Variants in SVEP1 observed in about 807,000 individuals in gnomAD.
SVEP1 encodes sushi, von Willebrand factor type A, EGF and pentraxin domain containing 1, also known as sushi, von Willebrand factor type A, EGF and pentraxin domain-containing protein 1.
In SVEP1, 164 loss-of-function variants were observed where a neutral mutation model predicts 367.3. The ratio of observed to expected loss-of-function variants is 0.45; its 90% confidence interval spans 0.39 to 0.51. SVEP1 has a LOEUF of 0.51. SVEP1 is among the 20% of genes least tolerant of loss of function. The probability of loss-of-function intolerance (pLI) is 0.00; values close to 1 mark genes in which losing one functional copy is unlikely to be tolerated. For synonymous variants in SVEP1, 1,666 were observed against 1,611.6 expected (o/e 1.03, Z -0.81); for missense variants, 4,117 against 4,425.3 (o/e 0.93, Z 1.98).
At chr9:110,430,109 T>C in intron 33 of SVEP1, 105 bp from the exon 34 acceptor site, 1 of 266,102 alleles carries the variant, frequency 3.8e-6, no homozygotes, top group Non-Finnish European at 4.7e-6. Flanking sequence ...TTTGTTTTCT[T>C]TTTTTTTTTT....
rs181613162 is a variant in SVEP1 at position 110,579,250 on chromosome 9, G to C, written c.294C>G (p.Asn98Lys). The change falls in exon 1 of 48, where the codon AAC becomes AAG. Residue 98 changes from asparagine to lysine, a missense_variant. By Grantham distance (94) the Asn-to-Lys change is moderately conservative. Around this residue, in one of 4 missense-constraint regions of SVEP1, gnomAD observed 161 missense variants for 122.4 expected, o/e 1.32. Coordinates refer to ENST00000374469, the MANE Select transcript of SVEP1 (RefSeq NM_153366.4). The surrounding 1 kb of genome is among the most constrained non-coding windows in gnomAD (Gnocchi z 5.3). ...GGACGAACATGAGCTCGCTGCGGAA[G>C]TTGACTTCGCCCACGCTGGACGAAT... is the stretch of plus-strand genomic sequence containing the variant. ...VDDSSSVGEV[N>K]FRSELMFVRK... The C allele has an allele frequency of 1.3e-5, 21 of 1,570,822 alleles. No individual in the cohort carries two copies. In the South Asian group the frequency reaches 2.1e-4, roughly 16 times the overall value.
chr9:110,387,558 A>G (rs1268559962), intron 41 of SVEP1, 100 bp from the exon 42 acceptor site: 1 of 1,281,782 alleles, frequency 7.8e-7, no homozygotes, highest in Non-Finnish European at 1.0e-6. Flanking sequence ...TATATAAAAT[A>G]TTATGGCCTA....
intron 18 of SVEP1, among the ~76,000 whole-genome samples, chr9:110,463,924 G>A (rs1828898364): frequency 6.6e-6 from 1 of 152,046 alleles, no homozygotes; most frequent in Non-Finnish European, 1.5e-5. Flanking sequence ...ACTTATGCTA[G>A]GAATATTAGG....
intron 27 of SVEP1, among the ~76,000 whole-genome samples, chr9:110,438,706 C>A (rs1828468801): frequency 6.6e-6 from 1 of 152,136 alleles, no homozygotes; most frequent in Non-Finnish European, 1.5e-5. Flanking sequence ...GGTAGTTAAA[C>A]TGATGGTTGC....
At chr9:110,517,494 A>G (rs184973174) in intron 3 of SVEP1, among the ~76,000 whole-genome samples, 3,009 of 151,322 alleles carry the variant, frequency 0.02, 46 homozygotes, top group South Asian at 0.063. Context: ...GCTACTTGGG[A>G]GGCTGAGGCA....
Position 110,447,076 on chromosome 9 carries a change from T to C in SVEP1, c.4104-19A>G. The C allele has an allele frequency of 1.4e-6, 2 of 1,465,962 alleles. No individual in the cohort carries two copies. Among genetic ancestry groups the C allele is most frequent in the Non-Finnish European group, 1.8e-6 (2 of 1,110,752 alleles). The allele number at this position is 1,465,962 out of a possible 1,614,324, so 90.8% of individuals were successfully genotyped here. ...CAGGCATCTGAAAGAAAACAAAATG[T>C]TGTAACAATTAGAACAGTTGTAGGA... On this transcript the variant is annotated intron_variant, in intron 24 of 47. Coordinates refer to ENST00000374469, the MANE Select transcript of SVEP1 (RefSeq NM_153366.4).
chr9:110,490,826 G>C (rs1035033863), intron 8 of SVEP1, among the ~76,000 whole-genome samples: 1 of 151,862 alleles, frequency 6.6e-6, no homozygotes, highest in Non-Finnish European at 1.5e-5. Flanking sequence ...AATGCCATAT[G>C]CTAAGATTAA....
Position 110,375,403 on chromosome 9 carries a change from C to A in SVEP1, c.10565G>T (p.Cys3522Phe). ...GRCVAPYQCDCPPGWTGSRCH... is the reference protein window; with the variant it reads ...GRCVAPYQCDFPPGWTGSRCH... ...GCGAGACCCCGTCCAGCCAGGCGGG[C>A]AGTCACACTGGTAAGGGGCCACACA... The change falls in exon 46 of 48, where the codon TGC becomes TTC. Residue 3522 changes from cysteine to phenylalanine, a missense_variant. Coordinates refer to ENST00000374469, the MANE Select transcript of SVEP1 (RefSeq NM_153366.4). 6.6e-7 allele frequency: 1 copy of A among 1,519,636 alleles called. No homozygotes were observed. The highest frequency in any genetic ancestry group is 8.8e-7 in the Non-Finnish European group (1 of 1,133,054). 94.1% of individuals were successfully genotyped at this position (1,519,636 alleles called of 1,614,324 possible). A position where few individuals can be genotyped will look rare whatever the true frequency, so the allele number is the denominator to read the frequency against.
In SVEP1 at chr9:110,385,914, T is replaced by G; in HGVS notation, c.10221A>C (p.Thr3407=). 1.9e-6 allele frequency: 3 copies of G among 1,613,234 alleles called. No homozygotes were observed. Among genetic ancestry groups the G allele is most frequent in the Non-Finnish European group, 2.5e-6 (3 of 1,179,626 alleles). Residue 3407 remains threonine (T), a synonymous_variant, in exon 43 of 48, where the codon ACA becomes ACC. Coordinates refer to ENST00000374469, the MANE Select transcript of SVEP1 (RefSeq NM_153366.4). ...TCNPDETWTQ[T]SAKCEKISCG... is the part of the protein sequence containing the mutation. ...CTGACTTACTTTCACATTTGGCGCT[T>G]GTCTGTGTCCACGTCTCGTCGGGGT...
At chr9:110,577,137 G>A (rs1022619068) in intron 1 of SVEP1, among the ~76,000 whole-genome samples, 14 of 152,084 alleles carry the variant, frequency 9.2e-5, no homozygotes, top group African/African-American at 3.1e-4. Flanking sequence ...TTGGTAATAT[G>A]TAAAAATGAA....
chr9:110,390,291 T>G (rs1316339009), intron 40 of SVEP1, among the ~76,000 whole-genome samples: 644 of 26,278 alleles, frequency 0.025, 6 homozygotes, highest in Middle Eastern at 0.077. Context: ...ATATACATAC[T>G]TATATATACT....
intron 5 of SVEP1, among the ~76,000 whole-genome samples, chr9:110,510,312 C>T (rs1289263962): frequency 1.3e-5 from 2 of 152,240 alleles, no homozygotes; most frequent in Non-Finnish European, 2.9e-5. Context: ...CCTCCCACTC[C>T]TCTTCTGTTT....
chr9:110,445,316 G>T (rs561563256), intron 26 of SVEP1, among the ~76,000 whole-genome samples: 1 of 152,270 alleles, frequency 6.6e-6, no homozygotes, highest in East Asian at 1.9e-4. Context: ...GGGCCCTGGA[G>T]TTGGAATTAG....
At chr9:110,440,928 T>G (rs1392796150) in intron 27 of SVEP1, among the ~76,000 whole-genome samples, 3 of 148,584 alleles carry the variant, frequency 2.0e-5, no homozygotes, top group Non-Finnish European at 1.5e-5. Flanking sequence ...CAGCCATAAA[T>G]TAAAAGAGTT....
chr9:110,428,429 C>CACAA (rs60798857), intron 35 of SVEP1, among the ~76,000 whole-genome samples: 5,965 of 151,198 alleles, frequency 0.039, 423 homozygotes, highest in East Asian at 0.31. Context: ...CACACACACA[C>CACAA]CATTAATCTC....
At position 110,565,052 on chromosome 9, in the gene SVEP1, A is replaced by C. The variant is rs534691119; in HGVS notation, c.531+13961T>G. Among the ~76,000 whole-genome samples the C allele has an allele frequency of 5.9e-5, 9 of 152,310 alleles. No individual in the cohort carries two copies. The South Asian group carries it at 1.9e-3, about 32-fold the overall frequency. ...AAGATTTTAGTAAGCACTGATGATC[A>C]TGGAGCTAACTGCTATAGCAAGGTT... On this transcript the variant is annotated intron_variant, in intron 1 of 47. Transcript: ENST00000374469.
intron 40 of SVEP1, among the ~76,000 whole-genome samples, chr9:110,398,200 T>C (rs1230910319): frequency 6.6e-6 from 1 of 152,070 alleles, no homozygotes; most frequent in African/African-American, 2.4e-5. Context: ...TATCTACAAC[T>C]ATCTGATCTT....
At chr9:110,525,768 T>G (rs555867937) in intron 3 of SVEP1, among the ~76,000 whole-genome samples, 1 of 152,206 alleles carries the variant, frequency 6.6e-6, no homozygotes, top group South Asian at 2.1e-4. Context: ...TGGCTGATTT[T>G]TTTTTTTTAC....
At chr9:110,572,789 C>CAAAAAAAAAAAAA (rs56077443) in intron 1 of SVEP1, among the ~76,000 whole-genome samples, 49 of 76,512 alleles carry the variant, frequency 6.4e-4, no homozygotes, top group African/African-American at 1.5e-3. Context: ...CTCTCTCTCA[C>CAAAAAAAAAAAAA]AAAAAAAAAA....
Sources: allele counts gnomAD v4.1 joint callset (sites outside exome capture counted in the v4.1 genomes callset), GRCh38; gene constraint gnomAD v4.1.1; regional missense constraint gnomAD v4.1.1; non-coding constraint Gnocchi (gnomAD v3.1); transcripts MANE v1.5; gene names NCBI Gene and HGNC (gene_info 2026-07-23, HGNC 2026-07-21).